Variants in EYA1 observed in about 807,000 individuals in gnomAD.
The protein encoded by EYA1 is EYA transcriptional coactivator and phosphatase 1.
A neutral mutation model predicts 82.0 loss-of-function variants in EYA1; 16 were observed. That is an observed-to-expected ratio of 0.20 (90% CI 0.13 to 0.30). EYA1 has a LOEUF of 0.30. EYA1 is among the 10% of genes least tolerant of loss of function. EYA1 has a pLI of 1.00. For synonymous variants in EYA1, 261 were observed against 264.4 expected (o/e 0.99, Z 0.12); for missense variants, 633 against 730.7 (o/e 0.87, Z 1.54).
chr8:71,261,290 T>G (rs980993242), intron 11 of EYA1, among the ~76,000 whole-genome samples: 1 of 152,174 alleles, frequency 6.6e-6, no homozygotes, highest in Non-Finnish European at 1.5e-5. Flanking sequence ...ATATCATCAA[T>G]AAAATATTAA....
At chr8:71,309,481 C>T (rs1241631059) in intron 7 of EYA1, among the ~76,000 whole-genome samples, 2 of 152,188 alleles carry the variant, frequency 1.3e-5, no homozygotes, top group African/African-American at 4.8e-5. Context: ...AGCTATTCTT[C>T]AATTTCATTT....
chr8:71,417,235 T>A (rs1218948078), intron 2 of EYA1, among the ~76,000 whole-genome samples: 4 of 152,226 alleles, frequency 2.6e-5, no homozygotes, highest in African/African-American at 4.8e-5. Flanking sequence ...CCTTTATATA[T>A]ACATCTATCC....
At chr8:71,273,453 T>C (rs1332692754) in intron 9 of EYA1, among the ~76,000 whole-genome samples, 1 of 152,222 alleles carries the variant, frequency 6.6e-6, no homozygotes, top group African/African-American at 2.4e-5. Flanking sequence ...CAGAGGCAGA[T>C]AACTAGGGCA....
At chr8:71,246,305 T>A (rs1003795781) in intron 11 of EYA1, among the ~76,000 whole-genome samples, 1 of 152,214 alleles carries the variant, frequency 6.6e-6, no homozygotes, top group Non-Finnish European at 1.5e-5. Context: ...ACCAGGGGGA[T>A]TGTAAGCAGA....
intron 6 of EYA1, among the ~76,000 whole-genome samples, chr8:71,319,942 A>T (rs1446642363): frequency 6.6e-6 from 1 of 152,162 alleles, no homozygotes; most frequent in African/African-American, 2.4e-5. Flanking sequence ...CTAAGAACTG[A>T]AAATTATTCC....
At chr8:71,400,530 G>GA (rs956246643) in intron 2 of EYA1, among the ~76,000 whole-genome samples, 1 of 141,464 alleles carries the variant, frequency 7.1e-6, no homozygotes, top group Admixed American at 7.0e-5. Context: ...CAACAGACAT[G>GA]AAAAAAGCAC....
intron 2 of EYA1, among the ~76,000 whole-genome samples, chr8:71,490,466 T>C (rs1450532903): frequency 3.9e-5 from 6 of 152,234 alleles, no homozygotes; most frequent in Admixed American, 2.6e-4. Flanking sequence ...TTACGACTTA[T>C]GTTTTTAATA....
chr8:71,493,910 C>A (rs1195167178), intron 2 of EYA1, among the ~76,000 whole-genome samples: 1 of 143,810 alleles, frequency 7.0e-6, no homozygotes, highest in African/African-American at 2.5e-5. Flanking sequence ...GTAGTCCCAG[C>A]TACTTGGGAG....
intron 2 of EYA1, among the ~76,000 whole-genome samples, chr8:71,410,718 G>T (rs1332167584): frequency 6.0e-4 from 90 of 148,844 alleles, no homozygotes; most frequent in Middle Eastern, 3.4e-3. Flanking sequence ...CACTGCTCAA[G>T]GAAATAAAAG....
chr8:71,284,278 T>C (rs972042596), intron 9 of EYA1, among the ~76,000 whole-genome samples: 1 of 152,214 alleles, frequency 6.6e-6, no homozygotes, highest in Admixed American at 6.5e-5. Flanking sequence ...CTTCTTTCCT[T>C]TCACTCTTTG....
At chr8:71,211,348 G>T in intron 16 of EYA1, 92 bp from the exon 17 acceptor site, 1 of 828,404 alleles carries the variant, frequency 1.2e-6, no homozygotes, top group Non-Finnish European at 2.1e-6. Context: ...CTTTCTTCAT[G>T]CTCTGATTCG....
At chr8:71,372,425 A>G (rs1291774257) in intron 2 of EYA1, among the ~76,000 whole-genome samples, 1 of 152,116 alleles carries the variant, frequency 6.6e-6, no homozygotes, top group Non-Finnish European at 1.5e-5. Flanking sequence ...TAACTTCCCA[A>G]TCAGGTTAAT....
At chr8:71,412,585 G>A (rs1830665527) in intron 2 of EYA1, among the ~76,000 whole-genome samples, 1 of 152,112 alleles carries the variant, frequency 6.6e-6, no homozygotes, top group Non-Finnish European at 1.5e-5. Flanking sequence ...GGGAGGAGTG[G>A]ATGGAGACAT....
chr8:71,480,264 T>A (rs1307594307), intron 2 of EYA1, among the ~76,000 whole-genome samples: 1 of 152,208 alleles, frequency 6.6e-6, no homozygotes, highest in Non-Finnish European at 1.5e-5. Context: ...AAAGACTTCA[T>A]TATTAAAATG....
chr8:71,442,425 G>T (rs1806498333), intron 2 of EYA1, among the ~76,000 whole-genome samples: 1 of 152,140 alleles, frequency 6.6e-6, no homozygotes, highest in African/African-American at 2.4e-5. Context: ...TTATGCATGT[G>T]CCCTTCTCCA....
intron 11 of EYA1, among the ~76,000 whole-genome samples, chr8:71,249,951 C>T (rs1178056555): frequency 1.3e-5 from 2 of 152,122 alleles, no homozygotes; most frequent in Non-Finnish European, 2.9e-5. Context: ...TTTTTAGCCC[C>T]ATATTGAATC....
chr8:71,275,643 G>C (rs1817080913), intron 9 of EYA1, among the ~76,000 whole-genome samples: 1 of 152,128 alleles, frequency 6.6e-6, no homozygotes, highest in Non-Finnish European at 1.5e-5. Context: ...TCAGGAAGGA[G>C]AGAGTGATCA....
chr8:71,522,715 C>T (rs1441131396), intron 2 of EYA1, among the ~76,000 whole-genome samples: 3 of 151,118 alleles, frequency 2.0e-5, no homozygotes, highest in African/African-American at 7.3e-5. Context: ...ACCTCCAGGG[C>T]TCAAGTGCTC....
At chr8:71,538,068 C>T (rs533035098) in intron 1 of EYA1, among the ~76,000 whole-genome samples, 4 of 152,332 alleles carry the variant, frequency 2.6e-5, no homozygotes, top group African/African-American at 9.6e-5. Context: ...TCCTCCAGTG[C>T]TTGCTAAATC....
Sources: gnomAD v4.1 joint callset for allele counts (sites outside exome capture counted in the v4.1 genomes callset) on GRCh38, gnomAD v4.1.1 for gene constraint, MANE v1.5 for transcripts, NCBI Gene and HGNC (gene_info 2026-07-23, HGNC 2026-07-21) for gene names.